Variants in TMC5 observed in about 807,000 individuals in gnomAD.
TMC5 encodes transmembrane channel-like protein 5.
A neutral mutation model predicts 110.5 loss-of-function variants in TMC5; 86 were observed. The observed-to-expected ratio is 0.78, with a 90% CI of 0.65 to 0.93. TMC5 has a LOEUF of 0.93. Ranked by LOEUF, TMC5 falls within the 40% of genes least tolerant of loss-of-function variation. The probability of loss-of-function intolerance (pLI) is 0.00; values close to 1 mark genes in which losing one functional copy is unlikely to be tolerated. For missense variants in TMC5, 1,144 were observed against 1,222.8 expected (o/e 0.94, Z 0.96); for synonymous variants, 455 against 439.5 (o/e 1.04, Z -0.44).
chr16:19,465,829 G>A (rs1968173945), intron 8 of TMC5, among the ~76,000 whole-genome samples: 1 of 152,184 alleles, frequency 6.6e-6, no homozygotes, highest in African/African-American at 2.4e-5. Flanking sequence ...TCTTGCTGAT[G>A]TTTCACTTGA....
chr16:19,466,050 C>T (rs1272079827), intron 8 of TMC5, 32 bp from the exon 9 acceptor site: 6 of 1,604,262 alleles, frequency 3.7e-6, no homozygotes, highest in Middle Eastern at 1.7e-4. Flanking sequence ...TTCAGGAGAT[C>T]CACCTGACCT....
intron 4 of TMC5, among the ~76,000 whole-genome samples, chr16:19,448,475 C>T (rs1000211259): frequency 2.6e-5 from 4 of 151,634 alleles, no homozygotes; most frequent in African/African-American, 9.7e-5. Context: ...AAATATTAGC[C>T]AGGCATGGTG....
intron 4 of TMC5, among the ~76,000 whole-genome samples, chr16:19,448,437 G>A (rs1014074960): frequency 6.6e-6 from 1 of 151,554 alleles, no homozygotes; most frequent in African/African-American, 2.4e-5. Context: ...GGATAACATG[G>A]TGAAACCCCC....
chr16:19,492,259 C>T, intron 19 of TMC5, 31 bp downstream of exon 19: 1 of 1,526,242 alleles, frequency 6.6e-7, no homozygotes, highest in South Asian at 1.1e-5. Flanking sequence ...CTGATGTCCG[C>T]CCTCACCCTT....
At chr16:19,434,002 ATT>A (rs1491139358) in intron 2 of TMC5, among the ~76,000 whole-genome samples, 3 of 94,306 alleles carry the variant, frequency 3.2e-5, no homozygotes, top group South Asian at 2.9e-4. Context: ...ATATATATAT[ATT>A]ATATATATAA....
At chr16:19,425,272 CTATGTCACTT>C (rs1967066885) in intron 1 of TMC5, among the ~76,000 whole-genome samples, 2 of 149,812 alleles carry the variant, frequency 1.3e-5, no homozygotes, top group Admixed American at 6.6e-5. Flanking sequence ...ACATCTAATT[CTATGTCACTT>C]TATGTCACTT....
At chr16:19,463,152 C>T (rs1968070772) in intron 6 of TMC5, 128 bp from the exon 7 acceptor site, 1 of 705,530 alleles carries the variant, frequency 1.4e-6, no homozygotes, top group Non-Finnish European at 2.5e-6. Context: ...GAACTCCTGG[C>T]CTCAGTGATC....
intron 1 of TMC5, among the ~76,000 whole-genome samples, chr16:19,419,886 G>A (rs1966946281): frequency 6.6e-6 from 1 of 152,110 alleles, no homozygotes; most frequent in African/African-American, 2.4e-5. Flanking sequence ...CGCTATTATT[G>A]CTCAGGTTAT....
chr16:19,494,264 G>C lies in TMC5; in HGVS notation c.2829G>C (p.Glu943Asp). The change falls in exon 20 of 22, where the codon GAG (glutamate) becomes GAC (aspartate). Residue 943 changes from glutamate to aspartate, a missense_variant and splice_region_variant. Transcript: ENST00000542583. ...IRLLHEQIINEGKDKMFLIEK... is the reference protein window; with the variant it reads ...IRLLHEQIINDGKDKMFLIEK... ...GGTTTTGTTTTCCTTCTTGGTAGGA[G>C]GGCAAAGATAAAATGTTCCTGATAG... 6.2e-7 allele frequency: 1 copy of C among 1,609,886 alleles called. No individual in the cohort carries two copies. Among genetic ancestry groups the C allele is most frequent in the Non-Finnish European group, 8.5e-7 (1 of 1,177,856 alleles).
intron 10 of TMC5, 72 bp downstream of exon 10, chr16:19,469,897 T>TC (rs1968286945): frequency 1.3e-6 from 2 of 1,493,752 alleles, no homozygotes; most frequent in African/African-American, 3.4e-5. Context: ...CTGTAACTTT[T>TC]CTTTTTTTTT....
At position 19,474,146 on chromosome 16, in the gene TMC5, C is replaced by T. The variant is rs756207588; in HGVS notation, c.1960C>T (p.Pro654Ser). 6.2e-7 allele frequency: 1 copy of T among 1,613,894 alleles called. No individual in the cohort carries two copies. Among genetic ancestry groups the T allele is most frequent in the Non-Finnish European group, 8.5e-7 (1 of 1,180,006 alleles). Reference protein sequence around the residue: ...NLEFLKTHSNPGAVLLLPFVV... With the variant: ...NLEFLKTHSNSGAVLLLPFVV... The stretch of plus-strand genomic sequence containing the variant: ...GCAGTTCCTGAAGACACACAGTAAC[C>T]CTGGGGCGGTGCTGTTACTGCCTTT... Residue 654 changes from proline (P) to serine (S), a missense_variant, in exon 12 of 22, where the codon CCT (proline) becomes TCT (serine). Transcript: ENST00000542583.
At chr16:19,481,608 A>C (rs1309014249) in intron 15 of TMC5, 143 bp downstream of exon 15, 1 of 659,682 alleles carries the variant, frequency 1.5e-6, no homozygotes, top group Non-Finnish European at 2.7e-6. Flanking sequence ...CCATGAATTT[A>C]GCATTTAGAC....
At chr16:19,474,006 A>C in intron 11 of TMC5, 119 bp from the exon 12 acceptor site, 4 of 942,588 alleles carry the variant, frequency 4.2e-6, no homozygotes, top group Non-Finnish European at 6.2e-6. Flanking sequence ...ATAAATAGAT[A>C]AATAGTTAAC....
intron 6 of TMC5, among the ~76,000 whole-genome samples, chr16:19,461,595 TAAAAA>T (rs776134601): frequency 3.4e-4 from 52 of 151,800 alleles, no homozygotes; most frequent in Middle Eastern, 6.8e-3. Context: ...TAAACTAAAA[TAAAAA>T]AGAAAAAATA....
At chr16:19,424,109 A>C (rs1422824803) in intron 1 of TMC5, among the ~76,000 whole-genome samples, 1 of 152,166 alleles carries the variant, frequency 6.6e-6, no homozygotes. Flanking sequence ...CAGAACCCAC[A>C]GGTTAAGGGC....
intron 15 of TMC5, among the ~76,000 whole-genome samples, chr16:19,483,160 C>T (rs767926203): frequency 1.3e-5 from 2 of 152,028 alleles, no homozygotes; most frequent in African/African-American, 2.4e-5. Context: ...CATGCTCAGC[C>T]TATTTATTTA....
chr16:19,461,489 G>A (rs767300704), intron 6 of TMC5, among the ~76,000 whole-genome samples: 1 of 151,944 alleles, frequency 6.6e-6, no homozygotes, highest in Non-Finnish European at 1.5e-5. Flanking sequence ...CAGGAGAATC[G>A]CTTGAACCTG....
chr16:19,419,257 C>A (rs1266895664), intron 1 of TMC5, among the ~76,000 whole-genome samples: 1 of 152,136 alleles, frequency 6.6e-6, no homozygotes, highest in African/African-American at 2.4e-5. Flanking sequence ...GCCTGGCATG[C>A]ATGTCAGCAC....
Position 19,440,783 on chromosome 16 carries a change from G to C in TMC5, c.745G>C (p.Gly249Arg), listed in dbSNP as rs752429521. Residue 249 changes from glycine (G) to arginine (R), a missense_variant, in exon 3 of 22, where the codon GGT becomes CGT. Coordinates refer to ENST00000542583, the MANE Select transcript of TMC5 (RefSeq NM_001261841.2). Reference sequence around the variant, plus strand: ...ACCTGATTATTCAGATGCTGAGAATGGTCATGATTATGGCTCTTCTGAGAC... The same window carrying C: ...ACCTGATTATTCAGATGCTGAGAATCGTCATGATTATGGCTCTTCTGAGAC... ...REPDYSDAENGHDYGSSETPK... is the reference protein window; with the variant it reads ...REPDYSDAENRHDYGSSETPK... The C allele has an allele frequency of 5.0e-6, 8 of 1,613,792 alleles. No individual in the cohort carries two copies. In the African/African-American group the frequency reaches 9.3e-5, roughly 19 times the overall value.
Sources: allele counts gnomAD v4.1 joint callset (sites outside exome capture counted in the v4.1 genomes callset), GRCh38; gene constraint gnomAD v4.1.1; transcripts MANE v1.5; gene names NCBI Gene and HGNC (gene_info 2026-07-23, HGNC 2026-07-21).